Variants in ARL15 observed in about 807,000 individuals in gnomAD.
The protein encoded by ARL15 is ADP-ribosylation factor-like protein 15.
A neutral mutation model predicts 25.2 loss-of-function variants in ARL15; 19 were observed. That is an observed-to-expected ratio of 0.75 (90% CI 0.53 to 1.10). ARL15 has a LOEUF of 1.10. Among genes scored for constraint, ARL15 ranks in the 50% least tolerant of loss-of-function variants. The pLI is 0.00. For missense variants in ARL15, 220 were observed against 246.0 expected, an observed-to-expected ratio of 0.89 and a Z score of 0.71; for synonymous variants, 94 against 86.8, an observed-to-expected ratio of 1.08 and a Z score of -0.46.
At chr5:54,146,775 G>GA (rs1352266540) in intron 3 of ARL15, among the ~76,000 whole-genome samples, 11 of 152,202 alleles carry the variant, frequency 7.2e-5, no homozygotes, top group African/African-American at 2.4e-4. Context: ...CAAAAGGCCA[G>GA]AAAAATCATT....
At chr5:54,272,090 T>A (rs1186724196) in intron 1 of ARL15, among the ~76,000 whole-genome samples, 1 of 147,428 alleles carries the variant, frequency 6.8e-6, no homozygotes, top group East Asian at 2.0e-4. Flanking sequence ...CCTATAGGTG[T>A]GTGCCACCAC....
chr5:53,911,012 C>A (rs946761755), intron 4 of ARL15, among the ~76,000 whole-genome samples: 13 of 152,070 alleles, frequency 8.5e-5, no homozygotes, highest in African/African-American at 2.7e-4. Context: ...AGTAATATCT[C>A]CATCTGGAGT....
intron 4 of ARL15, among the ~76,000 whole-genome samples, chr5:54,111,679 A>G (rs1246218147): frequency 1.3e-5 from 2 of 152,148 alleles, no homozygotes; most frequent in African/African-American, 4.8e-5. Context: ...ATCAATGTGT[A>G]TATGTATTAT....
chr5:54,119,836 C>A (rs1344938399), intron 3 of ARL15, among the ~76,000 whole-genome samples: 1 of 152,138 alleles, frequency 6.6e-6, no homozygotes, highest in African/African-American at 2.4e-5. Context: ...CTTCAGGGGC[C>A]AGATCAAATG....
intron 4 of ARL15, among the ~76,000 whole-genome samples, chr5:54,069,665 T>C (rs916241005): frequency 1.3e-5 from 2 of 151,818 alleles, no homozygotes; most frequent in African/African-American, 4.8e-5. Context: ...TTATTTTTTC[T>C]GAGACGGAGT....
intron 4 of ARL15, among the ~76,000 whole-genome samples, chr5:54,083,781 T>C (rs1331513220): frequency 1.3e-5 from 2 of 152,122 alleles, no homozygotes; most frequent in African/African-American, 2.4e-5. Flanking sequence ...TTCTGCAAAA[T>C]ATCTAATAAG....
intron 2 of ARL15, among the ~76,000 whole-genome samples, chr5:54,169,234 T>C (rs1469743017): frequency 6.6e-6 from 1 of 152,236 alleles, no homozygotes; most frequent in Non-Finnish European, 1.5e-5. Flanking sequence ...AAGATAACTC[T>C]GATAAGTGAA....
At chr5:53,910,215 A>G (rs886486631) in intron 4 of ARL15, among the ~76,000 whole-genome samples, 3 of 151,720 alleles carry the variant, frequency 2.0e-5, no homozygotes, top group African/African-American at 7.3e-5. Context: ...GAAATCTCCA[A>G]CTCCCTGCTC....
At chr5:54,200,277 T>A (rs1755680724) in intron 1 of ARL15, among the ~76,000 whole-genome samples, 1 of 146,590 alleles carries the variant, frequency 6.8e-6, no homozygotes, top group South Asian at 2.1e-4. Context: ...ACATGTACCC[T>A]AAAACTTAAA....
intron 4 of ARL15, among the ~76,000 whole-genome samples, chr5:53,921,131 C>T (rs1279923992): frequency 6.6e-6 from 1 of 152,152 alleles, no homozygotes; most frequent in Non-Finnish European, 1.5e-5. Context: ...TACTCTAATA[C>T]AGAAACATTT....
chr5:53,995,453 G>A (rs1748640003), intron 4 of ARL15, among the ~76,000 whole-genome samples: 1 of 151,666 alleles, frequency 6.6e-6, no homozygotes, highest in South Asian at 2.1e-4. Flanking sequence ...TACTGCTTAT[G>A]TATAAAACAG....
chr5:54,144,084 G>T (rs569131973), intron 3 of ARL15, among the ~76,000 whole-genome samples: 13 of 151,982 alleles, frequency 8.6e-5, no homozygotes, highest in African/African-American at 2.4e-4. Context: ...ATGTGTGTGT[G>T]TATGTGTGAA....
chr5:54,035,133 T>A, intron 4 of ARL15, among the ~76,000 whole-genome samples: 1 of 152,294 alleles, frequency 6.6e-6, no homozygotes, highest in African/African-American at 2.4e-5. Context: ...TTTAAATTTT[T>A]AAAATACTTT....
chr5:54,062,079 A>T (rs1015255218), intron 4 of ARL15, among the ~76,000 whole-genome samples: 10 of 152,192 alleles, frequency 6.6e-5, no homozygotes, highest in Admixed American at 6.5e-4. Context: ...TGGATTTCGG[A>T]CTTACAAGGG....
At chr5:53,980,212 T>C (rs1473156473) in intron 4 of ARL15, among the ~76,000 whole-genome samples, 1 of 152,244 alleles carries the variant, frequency 6.6e-6, no homozygotes, top group East Asian at 1.9e-4. Flanking sequence ...ATCTTCCATT[T>C]TCCCATTTCT....
At chr5:53,978,637 G>GAAAAAA in intron 4 of ARL15, among the ~76,000 whole-genome samples, 1 of 125,878 alleles carries the variant, frequency 7.9e-6, no homozygotes, top group Non-Finnish European at 1.7e-5. Context: ...AAAAAAAAAA[G>GAAAAAA]AAAAGAAAAG....
intron 1 of ARL15, among the ~76,000 whole-genome samples, chr5:54,301,289 T>C (rs1309408423): frequency 2.0e-5 from 3 of 152,164 alleles, no homozygotes; most frequent in African/African-American, 7.2e-5. Context: ...TTTAGAAAGA[T>C]AGAGCATTAT....
intron 4 of ARL15, among the ~76,000 whole-genome samples, chr5:53,946,087 T>G (rs1292808650): frequency 6.6e-6 from 1 of 152,254 alleles, no homozygotes; most frequent in Non-Finnish European, 1.5e-5. Context: ...CATATCACTA[T>G]GGTTTATTGA....
At chr5:54,257,465 G>A (rs1268476601) in intron 1 of ARL15, among the ~76,000 whole-genome samples, 1 of 152,128 alleles carries the variant, frequency 6.6e-6, no homozygotes, top group Non-Finnish European at 1.5e-5. Flanking sequence ...GAGCTGCTAA[G>A]ATAAACTGGG....
Sources: allele counts gnomAD v4.1 joint callset (sites outside exome capture counted in the v4.1 genomes callset), GRCh38; gene constraint gnomAD v4.1.1; transcripts MANE v1.5; gene names NCBI Gene and HGNC (gene_info 2026-07-23, HGNC 2026-07-21).